The following PARG variants were observed in gnomAD, a reference collection of about 807,000 sequenced individuals.
PARG encodes the protein mitochondrial poly(ADP-ribose) glycohydrolase.
Under a neutral mutation model 113.0 loss-of-function variants are expected in PARG, and 35 were observed. The ratio of observed to expected loss-of-function variants is 0.31; its 90% confidence interval spans 0.24 to 0.41. The LOEUF (loss-of-function observed/expected upper bound fraction) is 0.41. Ranked by LOEUF, PARG falls within the 10% of genes least tolerant of loss-of-function variation. The probability of loss-of-function intolerance (pLI) is 1.00; values close to 1 mark genes in which losing one functional copy is unlikely to be tolerated. For synonymous variants in PARG, 330 were observed against 409.9 expected (o/e 0.81, Z 2.36); for missense variants, 797 against 1,169.4 (o/e 0.68, Z 4.64).
chr10:49,941,549 T>C lies in PARG; in HGVS notation c.177A>G (p.Pro59=). 3.2e-6 allele frequency: 5 copies of C among 1,559,324 alleles called. No individual in the cohort carries two copies. The highest frequency in any genetic ancestry group is 1.9e-5 in the Admixed American group (1 of 51,972). ...RVPPSSPACV[P]GRAGQHRGSA... is the part of the protein sequence containing the mutation. The stretch of plus-strand genomic sequence containing the variant: ...TGCCTCTGTGCTGTCCCGCCCGCCC[T>C]GGGACGCAGGCTGGCGAGGACGGTG... Residue 59 remains proline, a synonymous_variant, in exon 1 of 18, where the codon CCA becomes CCG. Transcript: ENST00000616448.
chr10:49,895,567 C>T (rs1848042609), intron 7 of PARG, among the ~76,000 whole-genome samples: 2 of 152,004 alleles, frequency 1.3e-5, no homozygotes, highest in Admixed American at 1.3e-4. Flanking sequence ...CCACGCCTGG[C>T]TAATTTTTTT....
chr10:49,913,902 CATAAATAA>C (rs566958948), intron 7 of PARG, among the ~76,000 whole-genome samples: 4 of 151,674 alleles, frequency 2.6e-5, no homozygotes, highest in Non-Finnish European at 2.9e-5. Flanking sequence ...GACTCCATTT[CATAAATAA>C]ATAAATAAAT....
intron 7 of PARG, among the ~76,000 whole-genome samples, chr10:49,891,590 C>CATATATATATATATAT (rs1211471476): frequency 1.4e-4 from 7 of 48,612 alleles, no homozygotes; most frequent in Non-Finnish European, 2.2e-4. Flanking sequence ...TCCTATGGTC[C>CATATATATATATATAT]ATATATATAT....
rs186409402 is a variant in PARG at position 49,825,648 on chromosome 10, G to C, written c.2648-5355C>G. On this transcript the variant is annotated intron_variant, in intron 16 of 17. Coordinates refer to ENST00000616448, the MANE Select transcript of PARG (RefSeq NM_003631.5). Reference sequence around the variant, plus strand: ...ATGAACATATATTGGTTTTTAAGAAGATGGAGCCAAGTTTGAATGTTGGTT... The same window carrying C: ...ATGAACATATATTGGTTTTTAAGAACATGGAGCCAAGTTTGAATGTTGGTT... Among the ~76,000 whole-genome samples the C allele has an allele frequency of 3.1e-3, 479 of 152,334 alleles. 1 individual carries two copies. Among genetic ancestry groups the C allele is most frequent in the Middle Eastern group, 0.01 (3 of 294 alleles).
intron 16 of PARG, among the ~76,000 whole-genome samples, chr10:49,821,669 T>A (rs1844090139): frequency 6.6e-6 from 1 of 152,198 alleles, no homozygotes; most frequent in African/African-American, 2.4e-5. Context: ...CATGCGCCAA[T>A]GTGCCTGGCC....
intron 16 of PARG, among the ~76,000 whole-genome samples, chr10:49,825,176 T>C (rs550391659): frequency 6.6e-6 from 1 of 152,296 alleles, no homozygotes; most frequent in South Asian, 2.1e-4. Context: ...CGAGGCCAAC[T>C]CTTATTCTCC....
At chr10:49,883,661 T>C (rs1328717458) in intron 8 of PARG, among the ~76,000 whole-genome samples, 2 of 151,420 alleles carry the variant, frequency 1.3e-5, no homozygotes, top group Non-Finnish European at 2.9e-5. Flanking sequence ...ATTAGCCGAG[T>C]GTAGTGGCAC....
chr10:49,925,499 C>T (rs1282865153), intron 4 of PARG, among the ~76,000 whole-genome samples: 4 of 152,142 alleles, frequency 2.6e-5, no homozygotes, highest in Non-Finnish European at 2.9e-5. Context: ...CGTCTTATAC[C>T]TCTCTAATAC....
At chr10:49,826,682 C>A (rs908927254) in intron 16 of PARG, among the ~76,000 whole-genome samples, 1 of 152,158 alleles carries the variant, frequency 6.6e-6, no homozygotes, top group Non-Finnish European at 1.5e-5. Flanking sequence ...TCCTTTAAAT[C>A]TCATTAGTGG....
At chr10:49,908,124 T>G (rs1461045752) in intron 7 of PARG, among the ~76,000 whole-genome samples, 1 of 152,226 alleles carries the variant, frequency 6.6e-6, no homozygotes, top group Non-Finnish European at 1.5e-5. Context: ...TCTAACTTCA[T>G]CAGTGATCTA....
intron 8 of PARG, among the ~76,000 whole-genome samples, chr10:49,880,559 A>G (rs1847164158): frequency 1.3e-5 from 2 of 152,316 alleles, no homozygotes; most frequent in South Asian, 4.1e-4. Flanking sequence ...CGACCTGAGT[A>G]TTGTGTTCAG....
chr10:49,891,614 T>C (rs1847794892), intron 7 of PARG, among the ~76,000 whole-genome samples: 1 of 57,376 alleles, frequency 1.7e-5, no homozygotes, highest in Admixed American at 1.9e-4. Context: ...TATATATATA[T>C]ATATATATAT....
Position 49,933,420 on chromosome 10 carries a change from C to A in PARG, c.1028G>T (p.Arg343Met), listed in dbSNP as rs1186824737. The A allele has an allele frequency of 5.6e-6, 9 of 1,613,528 alleles. No homozygotes were observed. The highest frequency in any genetic ancestry group is 5.9e-6 in the Non-Finnish European group (7 of 1,179,522). ...SSSQTANKPS[R>M]FQARDADIEF... Reference sequence around the variant, plus strand: ...AATGTCAGCGTCTCTTGCTTGGAACCTTGAAGGTTTATTTGCTGTTTGGGA... The same window carrying A: ...AATGTCAGCGTCTCTTGCTTGGAACATTGAAGGTTTATTTGCTGTTTGGGA... The change falls in exon 3 of 18, where the codon AGG becomes ATG. Residue 343 changes from arginine (R) to methionine (M), a missense_variant. By Grantham distance (91) the Arg-to-Met change is moderately conservative (BLOSUM62 -1). Around this residue, in one of 5 missense-constraint regions of PARG, gnomAD observed 252 missense variants for 437.4 expected, o/e 0.58. Coordinates refer to ENST00000616448, the MANE Select transcript of PARG (RefSeq NM_003631.5).
chr10:49,884,034 G>A (rs1448361404), intron 8 of PARG, among the ~76,000 whole-genome samples: 10 of 152,146 alleles, frequency 6.6e-5, no homozygotes, highest in East Asian at 1.9e-4. Flanking sequence ...ATGTCAGGGC[G>A]TTCTGCCAAC....
chr10:49,822,505 C>T (rs956762732), intron 16 of PARG, among the ~76,000 whole-genome samples: 3 of 152,128 alleles, frequency 2.0e-5, no homozygotes, highest in Non-Finnish European at 4.4e-5. Context: ...AAAAAACAGA[C>T]GGGCCAGCTC....
intron 16 of PARG, among the ~76,000 whole-genome samples, chr10:49,830,606 A>T (rs1249015967): frequency 6.6e-6 from 1 of 152,230 alleles, no homozygotes; most frequent in Non-Finnish European, 1.5e-5. Flanking sequence ...TGATAAAATC[A>T]AACTACTCCC....
At chr10:49,925,434 C>T (rs868959987) in intron 4 of PARG, among the ~76,000 whole-genome samples, 1 of 152,150 alleles carries the variant, frequency 6.6e-6, no homozygotes, top group African/African-American at 2.4e-5. Context: ...AAGCCCCTTT[C>T]GAGTTGTCCT....
intron 2 of PARG, 115 bp from the exon 3 acceptor site, chr10:49,934,278 A>G: frequency 3.2e-6 from 2 of 628,434 alleles, no homozygotes; most frequent in Non-Finnish European, 5.7e-6. Context: ...CTGAGCACAC[A>G]GCATGTCTTC....
chr10:49,920,439 C>G (rs1837733513), intron 6 of PARG, among the ~76,000 whole-genome samples: 1 of 90,114 alleles, frequency 1.1e-5, no homozygotes, highest in South Asian at 3.6e-4. Context: ...GGAGCAAGAC[C>G]CAGCCTCAAA....
Sources: allele counts gnomAD v4.1 joint callset (sites outside exome capture counted in the v4.1 genomes callset), GRCh38; gene constraint gnomAD v4.1.1; regional missense constraint gnomAD v4.1.1; transcripts MANE v1.5; gene names NCBI Gene and HGNC (gene_info 2026-07-23, HGNC 2026-07-21).